The following PDCD1 variants were observed in gnomAD, a reference collection of about 807,000 sequenced individuals.
The protein encoded by PDCD1 is programmed cell death 1, also known as programmed cell death protein 1.
In PDCD1, 10 loss-of-function variants were observed where a neutral mutation model predicts 23.6. That is an observed-to-expected ratio of 0.42 (90% CI 0.26 to 0.72). The LOEUF is 0.72. Among genes scored for constraint, PDCD1 ranks in the 30% least tolerant of loss-of-function variants. The pLI, the probability that PDCD1 is intolerant of heterozygous loss-of-function variation, is 0.24. For missense variants in PDCD1, 313 were observed against 397.8 expected (o/e 0.79, Z 1.81); for synonymous variants, 168 against 169.3 (o/e 0.99, Z 0.06).
chr2:241,856,393 C>T (rs1701027957), intron 1 of PDCD1, among the ~76,000 whole-genome samples: 1 of 152,236 alleles, frequency 6.6e-6, no homozygotes. Flanking sequence ...TCCAGCCGCC[C>T]AGTCCCCAAA....
At chr2:241,856,688 G>C (rs1268844585) in intron 1 of PDCD1, among the ~76,000 whole-genome samples, 2 of 152,104 alleles carry the variant, frequency 1.3e-5, no homozygotes, top group African/African-American at 2.4e-5. Context: ...GCCTGGCAGG[G>C]TGGCACGTGC....
Position 241,850,718 on chromosome 2 carries a change from C to T in PDCD1, c.*340G>A. On this transcript the variant is annotated 3_prime_UTR_variant, in exon 5 of 5. Transcript: ENST00000334409. ...GGGCCACGGCGCCTTCAGCCCCGGG[C>T]CGCAGGCAGCAGCAGCAGCAGCAGC... 1 of 571,700 alleles carries T rather than the reference C, an allele frequency of 1.7e-6. No homozygotes were observed. Among genetic ancestry groups the T allele is most frequent in the Admixed American group, 2.3e-5 (1 of 44,150 alleles). The allele number at this position is 571,700 out of a possible 1,614,324, so 35.4% of individuals were successfully genotyped here. A position where few individuals can be genotyped will look rare whatever the true frequency, so the allele number is the denominator to read the frequency against.
chr2:241,857,022 C>T (rs1379302679), intron 1 of PDCD1, among the ~76,000 whole-genome samples: 2 of 152,224 alleles, frequency 1.3e-5, no homozygotes, highest in Non-Finnish European at 2.9e-5. Flanking sequence ...TGGTCCCACG[C>T]CAAAGCAGAG....
At chr2:241,853,776 G>C (rs563026333) in intron 1 of PDCD1, among the ~76,000 whole-genome samples, 1 of 152,266 alleles carries the variant, frequency 6.6e-6, no homozygotes, top group African/African-American at 2.4e-5. Flanking sequence ...ATCCAGGCCC[G>C]AGATGCCATG....
intron 1 of PDCD1, among the ~76,000 whole-genome samples, chr2:241,854,547 G>C (rs1039625030): frequency 4.6e-5 from 7 of 152,236 alleles, no homozygotes; most frequent in Non-Finnish European, 8.8e-5. Context: ...TGCCTGAATG[G>C]AGGAAGATGG....
chr2:241,853,630 G>C (rs1244667047), intron 1 of PDCD1, among the ~76,000 whole-genome samples: 1 of 152,254 alleles, frequency 6.6e-6, no homozygotes, highest in East Asian at 1.9e-4. Flanking sequence ...CAGACACGGG[G>C]CCCCCGACCC....
In PDCD1 at chr2:241,852,270, C is replaced by G. The variant is rs758959367; in HGVS notation, c.520G>C (p.Val174Leu). ...GQFQTLVVGV[V>L]GGLLGSLVLL... is the part of the protein sequence containing the mutation. ...ACCAGGCTGCCCAGCAGGCCGCCCA[C>G]GACACCAACCACCAGGGTTTGGAAC... The change falls in exon 3 of 5, where the codon GTG (valine) becomes CTG (leucine). Residue 174 changes from valine to leucine, a missense_variant. This residue lies in a region of PDCD1 where 158 missense variants were observed against 177.5 expected (regional missense o/e 0.89). Transcript: ENST00000334409. 6.2e-7 allele frequency: 1 copy of G among 1,611,592 alleles called. No individual in the cohort carries two copies.
At position 241,852,363 on chromosome 2, in the gene PDCD1, C is replaced by A; in HGVS notation, c.437-10G>T. On this transcript the variant is annotated splice_polypyrimidine_tract_variant and intron_variant, in intron 2 of 4. Coordinates refer to ENST00000334409, the MANE Select transcript of PDCD1 (RefSeq NM_005018.3). ...ACTTCTGCCCTTCTCTCTGGAAGGG[C>A]ACAAAGGTCAGGGGTTAGGACGGGG... is the stretch of plus-strand genomic sequence containing the variant. 1.3e-6 allele frequency: 2 copies of A among 1,548,780 alleles called. No individual in the cohort carries two copies. The highest frequency in any genetic ancestry group is 1.1e-5 in the South Asian group (1 of 88,940).
At chr2:241,857,979 G>A (rs896485708) in intron 1 of PDCD1, among the ~76,000 whole-genome samples, 5 of 151,734 alleles carry the variant, frequency 3.3e-5, no homozygotes, top group South Asian at 2.1e-4. Flanking sequence ...GTCCAGGAGC[G>A]GGCTGTGGTC....
intron 1 of PDCD1, among the ~76,000 whole-genome samples, chr2:241,855,013 T>C (rs921177578): frequency 3.9e-5 from 6 of 152,220 alleles, no homozygotes; most frequent in Non-Finnish European, 5.9e-5. Flanking sequence ...GACCTGCTCC[T>C]GACTTGATCT....
Position 241,851,362 on chromosome 2 carries a change from C to T in PDCD1, c.628-65G>A, listed in dbSNP as rs778504442. 17 of 1,529,668 alleles carry T rather than the reference C, an allele frequency of 1.1e-5. No homozygotes were observed. In the Admixed American group the frequency reaches 2.7e-4, roughly 25 times the overall value. 94.8% of individuals were successfully genotyped at this position (1,529,668 alleles called of 1,614,324 possible). On this transcript the variant is annotated intron_variant, in intron 4 of 4. Coordinates refer to ENST00000334409, the MANE Select transcript of PDCD1 (RefSeq NM_005018.3). ...ACCGCAGGAAGGAGGCCCGCGGCTC[C>T]ACAGCCTGGCTGCAGTACCGGCACC...
Position 241,852,201 on chromosome 2 carries a change from G to C in PDCD1, c.589C>G (p.Arg197Gly). 1 of 1,608,476 alleles carries C rather than the reference G, an allele frequency of 6.2e-7. No individual in the cohort carries two copies. Among genetic ancestry groups the C allele is most frequent in the Non-Finnish European group, 8.5e-7 (1 of 1,178,716 alleles). Residue 197 changes from arginine (R) to glycine (G), a missense_variant, in exon 3 of 5, where the codon CGA (arginine) becomes GGA (glycine). Physicochemically the swap from Arg to Gly is moderately radical, Grantham distance 125. Transcript: ENST00000334409. Reference protein sequence around the residue: ...VLAVICSRAARGTIGARRTGQ... With the variant: ...VLAVICSRAAGGTIGARRTGQ... ...CGAGGGGCTGGGATGACGTTACCTC[G>C]TGCGGCCCGGGAGCAGATGACGGCC... is the stretch of plus-strand genomic sequence containing the variant.
rs1044516789 is a variant in PDCD1, at chr2:241,852,800, C to T, written c.257G>A (p.Arg86His). The change falls in exon 2 of 5, where the codon CGC (arginine) becomes CAC (histidine). Residue 86 changes from arginine (R) to histidine (H), a missense_variant. Physicochemically the swap from Arg to His is conservative, Grantham distance 29. Coordinates refer to ENST00000334409, the MANE Select transcript of PDCD1 (RefSeq NM_005018.3). ...GCGGCAGTCCTGGCCGGGCTGGCTGCGGTCCTCGGGGAAGGCGGCCAGCTT... is the reference window on the plus strand; with the variant it reads ...GCGGCAGTCCTGGCCGGGCTGGCTGTGGTCCTCGGGGAAGGCGGCCAGCTT... ...TDKLAAFPED[R>H]SQPGQDCRFR... is the part of the protein sequence containing the mutation. 9 of 1,613,512 alleles carry T rather than the reference C, an allele frequency of 5.6e-6. No homozygotes were observed. Among genetic ancestry groups the T allele is most frequent in the Middle Eastern group, 1.6e-4 (1 of 6,062 alleles).
chr2:241,856,185 G>A (rs563580055), intron 1 of PDCD1, among the ~76,000 whole-genome samples: 4 of 151,920 alleles, frequency 2.6e-5, no homozygotes, highest in East Asian at 1.9e-4. Context: ...GTGGCCCCTC[G>A]GTCCTGCATG....
chr2:241,851,615 G>A (rs916046160), intron 4 of PDCD1, among the ~76,000 whole-genome samples: 4 of 152,078 alleles, frequency 2.6e-5, no homozygotes, highest in African/African-American at 7.2e-5. Context: ...GTGGGCACAC[G>A]CATGGGCCGG....
At chr2:241,851,327 C>T in intron 4 of PDCD1, 30 bp from the exon 5 acceptor site, 1 of 1,574,526 alleles carries the variant, frequency 6.4e-7, no homozygotes, top group East Asian at 2.3e-5. Flanking sequence ...GGGAGTCAGC[C>T]CCACGGCCCA....
In PDCD1 at chr2:241,850,983, G is replaced by T; in HGVS notation, c.*75C>A. On this transcript the variant is annotated 3_prime_UTR_variant, in exon 5 of 5. Transcript: ENST00000334409. ...GCCTGCAATGGCCTGCACCCTGCCT[G>T]CTTCTCCTGAGGAAATGCGCTGACC... 1 of 1,533,860 alleles carries T rather than the reference G, an allele frequency of 6.5e-7. No individual in the cohort carries two copies. The highest frequency in any genetic ancestry group is 8.8e-7 in the Non-Finnish European group (1 of 1,137,434).
In PDCD1 at chr2:241,850,973, C is replaced by A. The variant is rs968014028; in HGVS notation, c.*85G>T. 1.1e-5 allele frequency: 16 copies of A among 1,512,322 alleles called. No homozygotes were observed. In the Admixed American group the frequency reaches 3.2e-4, roughly 30 times the overall value. 93.7% of individuals were successfully genotyped at this position (1,512,322 alleles called of 1,614,324 possible). On this transcript the variant is annotated 3_prime_UTR_variant, in exon 5 of 5. Coordinates refer to ENST00000334409, the MANE Select transcript of PDCD1 (RefSeq NM_005018.3). Reference sequence around the variant, plus strand: ...CCCCTGGACGGCCTGCAATGGCCTGCACCCTGCCTGCTTCTCCTGAGGAAA... The same window carrying A: ...CCCCTGGACGGCCTGCAATGGCCTGAACCCTGCCTGCTTCTCCTGAGGAAA...
intron 1 of PDCD1, among the ~76,000 whole-genome samples, chr2:241,855,639 G>T (rs1014969428): frequency 6.6e-6 from 1 of 152,202 alleles, no homozygotes. Context: ...CAGAGAGACC[G>T]CATTACAGGA....
Sources: gnomAD v4.1 joint callset for allele counts (sites outside exome capture counted in the v4.1 genomes callset) on GRCh38, gnomAD v4.1.1 for gene constraint, gnomAD v4.1.1 regional missense constraint, MANE v1.5 for transcripts, NCBI Gene and HGNC (gene_info 2026-07-23, HGNC 2026-07-21) for gene names.